PSMC6: variants seen among roughly 807,000 people sequenced by gnomAD.
The protein encoded by PSMC6 is proteasome 26S subunit, ATPase 6, also known as 26S proteasome regulatory subunit 10B.
In PSMC6, 3 loss-of-function variants were observed where a neutral mutation model predicts 55.9. That is an observed-to-expected ratio of 0.05 (90% CI 0.02 to 0.14). The LOEUF is 0.14. Ranked by LOEUF, PSMC6 falls within the 10% of genes least tolerant of loss-of-function variation. PSMC6 has a pLI of 1.00. For synonymous variants in PSMC6, 137 were observed against 155.9 expected, an observed-to-expected ratio of 0.88 and a Z score of 0.90; for missense variants, 210 against 478.7, an observed-to-expected ratio of 0.44 and a Z score of 5.24.
At chr14:52,718,923 A>G (rs768293634) in intron 9 of PSMC6, 54 bp from the exon 10 acceptor site, 1 of 1,340,834 alleles carries the variant, frequency 7.5e-7, no homozygotes, top group Non-Finnish European at 1.1e-6. Flanking sequence ...TTCTTAAATG[A>G]TGGTTGTAGA....
chr14:52,712,839 A>T (rs1383352021), intron 6 of PSMC6, among the ~76,000 whole-genome samples: 2 of 151,440 alleles, frequency 1.3e-5, no homozygotes, highest in Non-Finnish European at 2.9e-5. Context: ...CTCTTCTCGA[A>T]CTCCTGAACT....
intron 6 of PSMC6, 147 bp downstream of exon 6, chr14:52,711,671 A>C (rs1033930231): frequency 2.9e-5 from 12 of 416,872 alleles, no homozygotes; most frequent in Admixed American, 2.2e-4. Context: ...GCTAAGAAGA[A>C]TAGCACTGAA....
In PSMC6 at chr14:52,727,656, G is replaced by T; in HGVS notation, c.*39G>T. 2 of 1,370,814 alleles carry T rather than the reference G, an allele frequency of 1.5e-6. No homozygotes were observed. The highest frequency in any genetic ancestry group is 1.4e-5 in the African/African-American group (1 of 69,462). The allele number at this position is 1,370,814 out of a possible 1,614,324, so 84.9% of individuals were successfully genotyped here. A position where few individuals can be genotyped will look rare whatever the true frequency, so the allele number is the denominator to read the frequency against. ...TTTTGATGGCTGCATGACAGATGTT[G>T]GCTTATTGTAAAAATAAAGTTAAAG... On this transcript the variant is annotated 3_prime_UTR_variant, in exon 14 of 14. Coordinates refer to ENST00000445930, the MANE Select transcript of PSMC6 (RefSeq NM_002806.5).
intron 6 of PSMC6, 34 bp downstream of exon 6, chr14:52,711,558 C>CTAATAAA (rs2041772782): frequency 7.3e-7 from 1 of 1,364,018 alleles, no homozygotes. Context: ...CTGAACTTAG[C>CTAATAAA]TAATAAATAC....
chr14:52,717,990 A>T, intron 7 of PSMC6, 91 bp from the exon 8 acceptor site: 1 of 1,207,706 alleles, frequency 8.3e-7, no homozygotes, highest in South Asian at 1.3e-5. Flanking sequence ...ATCTCGCCAC[A>T]CTCCAGCCTA....
At chr14:52,721,027 T>A (rs762081063) in intron 11 of PSMC6, 46 bp downstream of exon 11, 35 of 1,597,028 alleles carry the variant, frequency 2.2e-5, no homozygotes, top group South Asian at 3.4e-5. Context: ...TTTGTGCCCA[T>A]TTCTTTTTCC....
intron 7 of PSMC6, among the ~76,000 whole-genome samples, chr14:52,716,839 A>T (rs2041835132): frequency 6.6e-6 from 1 of 152,260 alleles, no homozygotes; most frequent in Non-Finnish European, 1.5e-5. Flanking sequence ...ATTTGTGACA[A>T]TATGGATGAA....
chr14:52,720,366 T>TAA (rs1420424928), intron 10 of PSMC6, among the ~76,000 whole-genome samples: 1 of 9,684 alleles, frequency 1.0e-4, no homozygotes, highest in African/African-American at 5.6e-4. Context: ...AAACTCTGTC[T>TAA]CAAAAAAAAA....
chr14:52,710,618 G>T, intron 4 of PSMC6: 1 of 180,818 alleles, frequency 5.5e-6, no homozygotes, highest in Non-Finnish European at 1.1e-5. Context: ...CTGGGTTTTG[G>T]GGCTTTAAAT....
At position 52,708,761 on chromosome 14, in the gene PSMC6, T is replaced by C. The variant is rs2041732528; in HGVS notation, c.206-3T>C. ...ATTAGTTCTTTTATGTTTTTTCTTC[T>C]AGTCATTGTTAAAGCTACCAATGGA... On this transcript the variant is annotated splice_polypyrimidine_tract_variant and splice_region_variant and intron_variant, in intron 3 of 13. Transcript: ENST00000445930. The C allele has an allele frequency of 2.5e-6, 4 of 1,612,620 alleles. No individual in the cohort carries two copies. Among genetic ancestry groups the C allele is most frequent in the Admixed American group, 1.7e-5 (1 of 59,752 alleles).
chr14:52,708,188 CAG>C, intron 1 of PSMC6, 119 bp from the exon 2 acceptor site: 2 of 778,452 alleles, frequency 2.6e-6, no homozygotes, highest in Middle Eastern at 3.7e-4. Context: ...TGGTTTGAAA[CAG>C]TGGATGTGAA....
rs1454329535 is a variant in PSMC6 at position 52,721,119 on chromosome 14, T to G, written c.908T>G (p.Leu303Trp). ...GRLDRKIHID[L>W]PNEQARLDIL... ...AATTTTTTATTTTCAGATATTGATTTGCCAAATGAACAAGCAAGATTAGAC... is the reference window on the plus strand; with the variant it reads ...AATTTTTTATTTTCAGATATTGATTGGCCAAATGAACAAGCAAGATTAGAC... Residue 303 changes from leucine (L) to tryptophan (W), a missense_variant, in exon 12 of 14, where the codon TTG becomes TGG. Coordinates refer to ENST00000445930, the MANE Select transcript of PSMC6 (RefSeq NM_002806.5). 6.3e-7 allele frequency: 1 copy of G among 1,593,582 alleles called. No individual in the cohort carries two copies. The highest frequency in any genetic ancestry group is 1.8e-5 in the Admixed American group (1 of 54,366).
rs142367793 is a variant in PSMC6 at position 52,707,229 on chromosome 14, C to G, written c.10C>G (p.Pro4Ala). ...GAGACGGCTTCTCATCATGGCGGACCCTAGAGATAAGGCGCTTCAGGACTA... is the reference window on the plus strand; with the variant it reads ...GAGACGGCTTCTCATCATGGCGGACGCTAGAGATAAGGCGCTTCAGGACTA... MAD[P>A]RDKALQDYRK... Residue 4 changes from proline to alanine, a missense_variant, in exon 1 of 14, where the codon CCT (proline) becomes GCT (alanine). Transcript: ENST00000445930. 4 of 1,613,940 alleles carry G rather than the reference C, an allele frequency of 2.5e-6. No individual in the cohort carries two copies. In the African/African-American group the frequency reaches 4.0e-5, roughly 16 times the overall value.
At chr14:52,721,502 TAAAGC>T (rs1234811291) in intron 12 of PSMC6, 1 of 193,410 alleles carries the variant, frequency 5.2e-6, no homozygotes, top group East Asian at 1.3e-4. Context: ...TGGAGAAAAA[TAAAGC>T]AAGAAAGTGG....
chr14:52,725,959 A>T (rs1280303654), intron 13 of PSMC6, among the ~76,000 whole-genome samples: 1 of 152,232 alleles, frequency 6.6e-6, no homozygotes, highest in Non-Finnish European at 1.5e-5. Context: ...AAAATCAGTC[A>T]TTTCCATTCA....
rs1348655985 is a variant in PSMC6 at position 52,728,205 on chromosome 14, T to G, written c.*588T>G. ...CCTTTCAGAAAGTGTTTACATATTC[T>G]TCATCTACTGTGATTAAGCTCATTG... On this transcript the variant is annotated 3_prime_UTR_variant, in exon 14 of 14. Coordinates refer to ENST00000445930, the MANE Select transcript of PSMC6 (RefSeq NM_002806.5). 1 of 152,332 alleles carries G rather than the reference T, an allele frequency of 6.6e-6. No homozygotes were observed. The highest frequency in any genetic ancestry group is 1.9e-4 in the East Asian group (1 of 5,206). The allele number at this position is 152,332 out of a possible 1,614,324, so 9.4% of individuals were successfully genotyped here.
rs191899649 is a variant in PSMC6, at chr14:52,712,215, T to C, written c.441+691T>C. ...AGCCAGTTCTCATACTTCAGTACAT[T>C]AATTTTTTTTGGAACACTTATTAAA... On this transcript the variant is annotated intron_variant, in intron 6 of 13. Transcript: ENST00000445930. Among the ~76,000 whole-genome samples, 431 of 152,318 alleles carry C rather than the reference T, an allele frequency of 2.8e-3. 4 individuals are homozygous for C. Among genetic ancestry groups the C allele is most frequent in the African/African-American group, 9.7e-3 (404 of 41,564 alleles).
At position 52,718,247 on chromosome 14, in the gene PSMC6, G is replaced by A; in HGVS notation, c.610G>A (p.Val204Ile). Residue 204 changes from valine to isoleucine, a missense_variant, in exon 9 of 14, where the codon GTA becomes ATA. Transcript: ENST00000445930. ...TAATCAGGTTGTATCTAGTTCTATTGTAGACAAGTACATTGGTGAAAGTGC... is the reference window on the plus strand; with the variant it reads ...TAATCAGGTTGTATCTAGTTCTATTATAGACAAGTACATTGGTGAAAGTGC... ...NFLKVVSSSI[V>I]DKYIGESARL... 1 of 1,611,562 alleles carries A rather than the reference G, an allele frequency of 6.2e-7. No homozygotes were observed. Among genetic ancestry groups the A allele is most frequent in the Non-Finnish European group, 8.5e-7 (1 of 1,177,814 alleles).
chr14:52,724,858 A>G (rs1168182016), intron 13 of PSMC6, among the ~76,000 whole-genome samples: 1 of 152,240 alleles, frequency 6.6e-6, no homozygotes, highest in Admixed American at 6.5e-5. Flanking sequence ...TTTCTTAAGT[A>G]TTAGAATATG....
Sources: gnomAD v4.1 joint callset for allele counts (sites outside exome capture counted in the v4.1 genomes callset) on GRCh38, gnomAD v4.1.1 for gene constraint, MANE v1.5 for transcripts, NCBI Gene and HGNC (gene_info 2026-07-23, HGNC 2026-07-21) for gene names.